Variants in KCNC4 observed in about 807,000 individuals in gnomAD.
The protein encoded by KCNC4 is potassium voltage-gated channel subfamily C member 4.
A neutral mutation model predicts 42.8 loss-of-function variants in KCNC4; 23 were observed. That is an observed-to-expected ratio of 0.54 (90% CI 0.39 to 0.76). The LOEUF is 0.76. Among genes scored for constraint, KCNC4 ranks in the 30% least tolerant of loss-of-function variants. The pLI, the probability that KCNC4 is intolerant of heterozygous loss-of-function variation, is 0.00. For missense variants in KCNC4, 751 were observed against 898.2 expected, an observed-to-expected ratio of 0.84 and a Z score of 2.10; for synonymous variants, 422 against 393.5, an observed-to-expected ratio of 1.07 and a Z score of -0.86.
At chr1:110,215,173 C>T (rs1335626596) in intron 1 of KCNC4, among the ~76,000 whole-genome samples, 1 of 152,238 alleles carries the variant, frequency 6.6e-6, no homozygotes, top group African/African-American at 2.4e-5. Context: ...GTGAACTGAG[C>T]TGATTATGAG....
At position 110,268,927 on chromosome 1, in the gene KCNC4, A is replaced by C. The variant is rs143010304; in HGVS notation, n.31-13607A>C. 7.8e-3 allele frequency among the ~76,000 whole-genome samples: 1,187 copies of C among 151,920 alleles called. 34 individuals are homozygous for C. Among genetic ancestry groups the C allele is most frequent in the East Asian group, 0.057 (288 of 5,062 alleles). On this transcript the variant is annotated intron_variant and non_coding_transcript_variant, in intron 1 of 2. Transcript: ENST00000412512. ...GTATTTTTAGTAGAGACGGGGTTTC[A>C]CCGTGGTCTCGATCTCCTGACCTCG...
At chr1:110,278,450 C>T (rs371692188) in intron 1 of KCNC4, among the ~76,000 whole-genome samples, 2 of 152,080 alleles carry the variant, frequency 1.3e-5, no homozygotes, top group Admixed American at 6.6e-5. Context: ...TGATCAGCCC[C>T]CAATGCACAG....
downstream of KCNC4, chr1:110,235,663 T>C (rs1303549372): frequency 6.6e-6 from 1 of 152,166 alleles, no homozygotes; most frequent in South Asian, 2.1e-4. Context: ...AGCAGCAGAC[T>C]GCCCCTCCTC....
intron 1 of KCNC4, chr1:110,222,303 T>C (rs926891485): frequency 1.3e-5 from 2 of 152,402 alleles, no homozygotes; most frequent in Non-Finnish European, 2.9e-5. Flanking sequence ...TGCAGCAACC[T>C]GCCTCGGAGC....
chr1:110,229,408 G>A (rs1057024728), intron 3 of KCNC4, among the ~76,000 whole-genome samples: 4 of 152,176 alleles, frequency 2.6e-5, no homozygotes, highest in East Asian at 3.9e-4. Context: ...CCCTCAGGAA[G>A]CCTCTGCCCA....
At position 110,276,591 on chromosome 1, in the gene KCNC4, GC is replaced by G. The variant is rs1430434914; in HGVS notation, n.31-5939del. On this transcript the variant is annotated intron_variant and non_coding_transcript_variant, in intron 1 of 2. Coordinates refer to the KCNC4 transcript ENST00000412512. Reference sequence around the variant, plus strand: ...TCAAAAGCATAAACCAACCTCCTGTGCCCCACATTCTGCCTCAGGACCATCC... The same window carrying G: ...TCAAAAGCATAAACCAACCTCCTGTGCCCACATTCTGCCTCAGGACCATCC... 8.5e-5 allele frequency among the ~76,000 whole-genome samples: 13 copies of G among 152,250 alleles called. 1 individual carries two copies. Among genetic ancestry groups the G allele is most frequent in the Middle Eastern group, 6.8e-3 (2 of 294 alleles).
intron 1 of KCNC4, among the ~76,000 whole-genome samples, chr1:110,264,974 C>T (rs777746344): frequency 6.1e-5 from 7 of 115,644 alleles, no homozygotes; most frequent in Non-Finnish European, 1.4e-4. Context: ...CTCAACTACT[C>T]GGAGGCTGGG....
At position 110,211,182 on chromosome 1, in the gene KCNC4, C is replaced by T. The variant is rs1657422422; in HGVS notation, c.-318C>T. Among the ~76,000 whole-genome samples, 1 of 152,206 alleles carries T rather than the reference C, an allele frequency of 6.6e-6. No homozygotes were observed. The highest frequency in any genetic ancestry group is 6.5e-5 in the Admixed American group (1 of 15,288). ...TGAAGGCGGGGGCGTGTCCCCGGCC[C>T]AGAGCGTTTGTGTGTCCCGTCGTAG... is the stretch of plus-strand genomic sequence containing the variant. On this transcript the variant is annotated 5_prime_UTR_variant, in exon 1 of 4. Transcript: ENST00000438661. The surrounding 1 kb of genome is among the most constrained non-coding windows in gnomAD (Gnocchi z 6.5).
chr1:110,262,780 G>A (rs923917820), intron 1 of KCNC4, among the ~76,000 whole-genome samples: 12 of 152,018 alleles, frequency 7.9e-5, no homozygotes, highest in Non-Finnish European at 1.5e-4. Context: ...CCATTTCTTC[G>A]GCCCTCACCC....
In KCNC4 at chr1:110,278,944, C is replaced by T. The variant is rs1437913131; in HGVS notation, n.31-3590C>T. On this transcript the variant is annotated intron_variant and non_coding_transcript_variant, in intron 1 of 2. Transcript: ENST00000412512. The stretch of plus-strand genomic sequence containing the variant: ...AGGGGCCCAACTGCAACCTTTCTTC[C>T]GTCTCATGTCTATTTCTTTCCTCTT... 5.9e-5 allele frequency among the ~76,000 whole-genome samples: 9 copies of T among 152,074 alleles called. No individual in the cohort carries two copies. In the East Asian group the frequency reaches 1.2e-3, roughly 20 times the overall value.
rs916148114 is a variant in KCNC4 at position 110,281,277 on chromosome 1, G to A, written n.31-1257G>A. On this transcript the variant is annotated intron_variant and non_coding_transcript_variant, in intron 1 of 2. Transcript: ENST00000412512. ...GACTTGCCAGCTGCAGACAGGATAT[G>A]GTTAATGAGCTGTGGAAGCAGAATT... 2.0e-5 allele frequency among the ~76,000 whole-genome samples: 3 copies of A among 152,030 alleles called. No individual in the cohort carries two copies. In the East Asian group the frequency reaches 5.8e-4, roughly 29 times the overall value.
chr1:110,226,228 T>TCCCGAGTCC (rs748668279), intron 3 of KCNC4, 50 bp downstream of exon 3: 32 of 1,551,450 alleles, frequency 2.1e-5, no homozygotes, highest in Non-Finnish European at 2.8e-5. Flanking sequence ...GAGCTGAGTC[T>TCCCGAGTCC]CCCGAGTCCC....
chr1:110,282,382 C>G (rs551958593), intron 1 of KCNC4, among the ~76,000 whole-genome samples: 1 of 152,330 alleles, frequency 6.6e-6, no homozygotes, highest in Non-Finnish European at 1.5e-5. Flanking sequence ...GCTTCTTTCT[C>G]TTCCTATAGG....
chr1:110,223,073 T>G lies in KCNC4; in HGVS notation c.788T>G (p.Val263Gly). 6.2e-7 allele frequency: 1 copy of G among 1,614,156 alleles called. No individual in the cohort carries two copies. The highest frequency in any genetic ancestry group is 8.5e-7 in the Non-Finnish European group (1 of 1,180,012). The change falls in exon 2 of 4, where the codon GTA becomes GGA. Residue 263 changes from valine (V) to glycine (G), a missense_variant. Coordinates refer to ENST00000438661, the MANE Select transcript of KCNC4 (RefSeq NM_001039574.3). The surrounding 1 kb of genome is among the most constrained non-coding windows in gnomAD (Gnocchi z 7.5). ...CGCAACGTGACAGAGATCCTCCGCG[T>G]AGGGAACATCACCAGCGTGCACTTC... ...IDRNVTEILR[V>G]GNITSVHFRR...
rs1426854308 is a variant in KCNC4, at chr1:110,210,579, G to A, written c.-921G>A. On this transcript the variant is annotated 5_prime_UTR_variant, in exon 1 of 4. Coordinates refer to ENST00000438661, the MANE Select transcript of KCNC4 (RefSeq NM_001039574.3). ...GCCCGGGAAGCCTGCAGGTGTCCTT[G>A]GCCGCTCGGCCGCCGCCCCCGGTAC... Among the ~76,000 whole-genome samples, 2 of 151,528 alleles carry A rather than the reference G, an allele frequency of 1.3e-5. No homozygotes were observed. The highest frequency in any genetic ancestry group is 4.8e-5 in the African/African-American group (2 of 41,350).
rs1657490452 is a variant in KCNC4, at chr1:110,212,011, C to T, written c.512C>T (p.Ala171Val). 6.2e-7 allele frequency: 1 copy of T among 1,602,576 alleles called. No individual in the cohort carries two copies. Among genetic ancestry groups the T allele is most frequent in the African/African-American group, 1.3e-5 (1 of 74,590 alleles). ...FESPDGGGSG[A>V]GPSDEAGDDE... ...AGCCCGGACGGAGGCGGCAGCGGCGCGGGGCCCAGCGACGAGGCCGGCGAC... is the reference window on the plus strand; with the variant it reads ...AGCCCGGACGGAGGCGGCAGCGGCGTGGGGCCCAGCGACGAGGCCGGCGAC... The change falls in exon 1 of 4, where the codon GCG (alanine) becomes GTG (valine). Residue 171 changes from alanine (A) to valine (V), a missense_variant. Around this residue, in one of 4 missense-constraint regions of KCNC4, gnomAD observed 183 missense variants for 255.8 expected, o/e 0.72. Coordinates refer to ENST00000438661, the MANE Select transcript of KCNC4 (RefSeq NM_001039574.3).
At chr1:110,279,646 GA>G (rs924066179) in intron 1 of KCNC4, among the ~76,000 whole-genome samples, 35 of 152,316 alleles carry the variant, frequency 2.3e-4, no homozygotes, top group African/African-American at 7.2e-4. Context: ...TGTAAAAGGG[GA>G]ATGCAGGACT....
intron 1 of KCNC4, among the ~76,000 whole-genome samples, chr1:110,255,824 C>T (rs190436327): frequency 1.3e-5 from 2 of 152,336 alleles, no homozygotes; most frequent in African/African-American, 4.8e-5. Flanking sequence ...AGATGGAGGA[C>T]ACTGTCTCTG....
At chr1:110,232,088 C>T (rs1658720065) in intron 3 of KCNC4, 4 of 768,024 alleles carry the variant, frequency 5.2e-6, no homozygotes, top group Non-Finnish European at 8.6e-6. Flanking sequence ...ACCTGTGCTC[C>T]CACTGGTAAG....
Sources: allele counts gnomAD v4.1 joint callset (sites outside exome capture counted in the v4.1 genomes callset), GRCh38; gene constraint gnomAD v4.1.1; regional missense constraint gnomAD v4.1.1; non-coding constraint Gnocchi (gnomAD v3.1); transcripts MANE v1.5; gene names NCBI Gene and HGNC (gene_info 2026-07-23, HGNC 2026-07-21).